MIDEAS: variants seen among roughly 807,000 people sequenced by gnomAD.
MIDEAS encodes mitotic deacetylase associated SANT domain protein, also known as mitotic deacetylase-associated SANT domain protein.
Under a neutral mutation model 102.7 loss-of-function variants are expected in MIDEAS, and 26 were observed. The observed-to-expected ratio is 0.25, with a 90% CI of 0.19 to 0.35. MIDEAS has a LOEUF of 0.35. Ranked by LOEUF, MIDEAS falls within the 10% of genes least tolerant of loss-of-function variation. The pLI is 1.00. For synonymous variants in MIDEAS, 585 were observed against 591.0 expected (o/e 0.99, Z 0.15); for missense variants, 1,231 against 1,435.6 (o/e 0.86, Z 2.30).
At chr14:73,774,103 C>G (rs1238113920) in intron 1 of MIDEAS, among the ~76,000 whole-genome samples, 3 of 151,736 alleles carry the variant, frequency 2.0e-5, no homozygotes, top group African/African-American at 7.3e-5. Context: ...ACAGGTCTCT[C>G]TGAGTGGCAC....
In MIDEAS at chr14:73,780,947, G is replaced by T. The variant is rs796341333; in HGVS notation, c.-248+6155C>A. 8.0e-4 allele frequency among the ~76,000 whole-genome samples: 94 copies of T among 117,136 alleles called. 1 individual carries two copies. The East Asian group carries it at 0.011, about 14-fold the overall frequency. The allele number at this position is 117,136 out of a possible 152,430, so 76.8% of individuals were successfully genotyped here. A position where few individuals can be genotyped will look rare whatever the true frequency, so the allele number is the denominator to read the frequency against. On this transcript the variant is annotated intron_variant, in intron 1 of 11. Transcript: ENST00000394071. Reference sequence around the variant, plus strand: ...CCCTAGTTTTTTTTGTTTTTTTGTTGTTGTTGTTGTTGTTAAGTTTCACCT... The same window carrying T: ...CCCTAGTTTTTTTTGTTTTTTTGTTTTTGTTGTTGTTGTTAAGTTTCACCT...
intron 1 of MIDEAS, among the ~76,000 whole-genome samples, chr14:73,749,579 TAATA>T (rs2053396781): frequency 6.8e-6 from 1 of 147,502 alleles, no homozygotes; most frequent in East Asian, 1.9e-4. Flanking sequence ...TTATATAATA[TAATA>T]TATATATAAA....
chr14:73,741,397 C>T (rs2053279606), intron 1 of MIDEAS, among the ~76,000 whole-genome samples: 6 of 152,014 alleles, frequency 3.9e-5, no homozygotes. Flanking sequence ...GGGGTGGGAG[C>T]TACATAGCCC....
At chr14:73,745,140 T>G (rs1383070928) in intron 1 of MIDEAS, among the ~76,000 whole-genome samples, 4 of 152,208 alleles carry the variant, frequency 2.6e-5, no homozygotes, top group Non-Finnish European at 5.9e-5. Flanking sequence ...TTCTGGGCTC[T>G]CTGGTGCACA....
At position 73,715,617 on chromosome 14, in the gene MIDEAS, T is replaced by C. The variant is rs974206465; in HGVS notation, c.*3226A>G. The C allele has an allele frequency of 6.6e-6, 1 of 152,442 alleles. No individual in the cohort carries two copies. The highest frequency in any genetic ancestry group is 1.5e-5 in the Non-Finnish European group (1 of 68,028). The allele number at this position is 152,442 out of a possible 1,614,324, so 9.4% of individuals were successfully genotyped here. On this transcript the variant is annotated 3_prime_UTR_variant, in exon 13 of 13. Transcript: ENST00000423556. ...AGGACACAATTGTTTTATAAAAATATCCCTACTTCCTGTAAACCTATGGAG... is the reference window on the plus strand; with the variant it reads ...AGGACACAATTGTTTTATAAAAATACCCCTACTTCCTGTAAACCTATGGAG...
intron 1 of MIDEAS, among the ~76,000 whole-genome samples, chr14:73,772,542 T>C (rs546983305): frequency 4.5e-4 from 69 of 152,244 alleles, no homozygotes; most frequent in Non-Finnish European, 9.0e-4. Context: ...TATCATGAAT[T>C]ATACAGCCAC....
chr14:73,722,007 T>A (rs967923107), intron 10 of MIDEAS, among the ~76,000 whole-genome samples: 2 of 152,184 alleles, frequency 1.3e-5, no homozygotes, highest in Non-Finnish European at 2.9e-5. Context: ...TTAAGTAACC[T>A]TCCCTTTTAA....
rs180995835 is a variant in MIDEAS, at chr14:73,719,123, G to T, written c.3135-115C>A. 2,607 of 1,461,070 alleles carry T rather than the reference G, an allele frequency of 1.8e-3. 42 individuals are homozygous for T. The African/African-American group carries it at 0.034, about 19-fold the overall frequency. The allele number at this position is 1,461,070 out of a possible 1,614,324, so 90.5% of individuals were successfully genotyped here. On this transcript the variant is annotated intron_variant, in intron 12 of 12. Transcript: ENST00000423556. ...ACCCCCACGCTGCACAGCCGCGGCC[G>T]GCCAGCTCGCGTCATTTTCCGAAAG...
intron 9 of MIDEAS, chr14:73,724,751 C>G (rs1296346949): frequency 6.3e-6 from 1 of 158,190 alleles, no homozygotes; most frequent in Non-Finnish European, 1.4e-5. Context: ...CTTGGATTAG[C>G]AAAGCATCTG....
At chr14:73,731,575 G>A (rs2053140395) in intron 3 of MIDEAS, among the ~76,000 whole-genome samples, 1 of 152,124 alleles carries the variant, frequency 6.6e-6, no homozygotes, top group Admixed American at 6.5e-5. Context: ...TTTATAATAA[G>A]GGATTTAAAC....
At chr14:73,789,318 C>T (rs1396836056), upstream of MIDEAS, among the ~76,000 whole-genome samples, 1 of 152,166 alleles carries the variant, frequency 6.6e-6, no homozygotes, top group Non-Finnish European at 1.5e-5. Flanking sequence ...CCAACTGCCA[C>T]GTCCTAAGGC....
chr14:73,722,974 G>C, intron 9 of MIDEAS, 127 bp from the exon 10 acceptor site: 1 of 1,043,740 alleles, frequency 9.6e-7, no homozygotes, highest in Non-Finnish European at 1.4e-6. Flanking sequence ...AGCCAACCCA[G>C]GCAATACAAG....
chr14:73,764,325 G>A (rs528824771), upstream of MIDEAS, among the ~76,000 whole-genome samples: 10 of 137,722 alleles, frequency 7.3e-5, no homozygotes, highest in South Asian at 2.4e-3. Context: ...GGGCAACAGA[G>A]GGAGACCCTG....
chr14:73,782,980 G>T (rs2053769806), intron 1 of MIDEAS, among the ~76,000 whole-genome samples: 1 of 152,226 alleles, frequency 6.6e-6, no homozygotes, highest in South Asian at 2.1e-4. Flanking sequence ...GACGAAATCT[G>T]ATGGCCACTG....
chr14:73,770,805 A>C (rs922530120), intron 1 of MIDEAS, among the ~76,000 whole-genome samples: 5 of 152,132 alleles, frequency 3.3e-5, no homozygotes, highest in African/African-American at 1.2e-4. Flanking sequence ...AGCTTCAAAA[A>C]ACCGAGCTGC....
chr14:73,740,222 T>G lies in MIDEAS; in HGVS notation c.-214A>C, dbSNP rs2053266207. 2.0e-6 allele frequency: 1 copy of G among 490,202 alleles called. No homozygotes were observed. The highest frequency in any genetic ancestry group is 3.5e-5 in the East Asian group (1 of 28,720). 30.4% of individuals were successfully genotyped at this position (490,202 alleles called of 1,614,324 possible). On this transcript the variant is annotated 5_prime_UTR_variant, in exon 2 of 13. Transcript: ENST00000423556. ...AGAGGCTCTGGGGCTCAGCTACTCTTCCCAGTTCATGATGCTCCACAGGGT... is the reference window on the plus strand; with the variant it reads ...AGAGGCTCTGGGGCTCAGCTACTCTGCCCAGTTCATGATGCTCCACAGGGT...
Position 73,738,986 on chromosome 14 carries a change from G to C in MIDEAS, c.1023C>G (p.Pro341=), listed in dbSNP as rs886475213. The C allele has an allele frequency of 4.6e-6, 7 of 1,533,288 alleles. No homozygotes were observed. The highest frequency in any genetic ancestry group is 5.3e-6 in the Non-Finnish European group (6 of 1,141,188). 95.0% of individuals were successfully genotyped at this position (1,533,288 alleles called of 1,614,324 possible). The part of the protein sequence containing the change: ...PQPALPQVQI[P]FPRRSRRLSK... Reference sequence around the variant, plus strand: ...AGAGGCGGCGGGAGCGGCGGGGGAAGGGGATCTGGACCTGAGGTAGCGCTG... The same window carrying C: ...AGAGGCGGCGGGAGCGGCGGGGGAACGGGATCTGGACCTGAGGTAGCGCTG... The change falls in exon 2 of 13, where the codon CCC becomes CCG. Residue 341 remains proline (P), a synonymous_variant. Coordinates refer to ENST00000423556, the MANE Select transcript of MIDEAS (RefSeq NM_001367710.1).
chr14:73,777,692 C>T (rs2053703979), intron 1 of MIDEAS, among the ~76,000 whole-genome samples: 1 of 151,980 alleles, frequency 6.6e-6, no homozygotes, highest in South Asian at 2.1e-4. Flanking sequence ...CAAACAGCTT[C>T]TCCAGGACGC....
chr14:73,757,636 G>A (rs2053501461), intron 1 of MIDEAS, among the ~76,000 whole-genome samples: 1 of 152,178 alleles, frequency 6.6e-6, no homozygotes, highest in Admixed American at 6.5e-5. Flanking sequence ...GTTTTCTTCT[G>A]GGAGACCCAA....
Sources: allele counts gnomAD v4.1 joint callset (sites outside exome capture counted in the v4.1 genomes callset), GRCh38; gene constraint gnomAD v4.1.1; transcripts MANE v1.5; gene names NCBI Gene and HGNC (gene_info 2026-07-23, HGNC 2026-07-21).